Variants in CXCL13 observed in about 807,000 individuals in gnomAD.
The protein encoded by CXCL13 is C-X-C motif chemokine 13.
Under a neutral mutation model 12.2 loss-of-function variants are expected in CXCL13, and 7 were observed. That is an observed-to-expected ratio of 0.57 (90% CI 0.33 to 1.07). The LOEUF is 1.07. Ranked by LOEUF, CXCL13 falls within the 50% of genes least tolerant of loss-of-function variation. The pLI, the probability that CXCL13 is intolerant of heterozygous loss-of-function variation, is 0.04. For synonymous variants in CXCL13, 47 were observed against 42.4 expected, an observed-to-expected ratio of 1.11 and a Z score of -0.42; for missense variants, 113 against 127.4, an observed-to-expected ratio of 0.89 and a Z score of 0.55.
chr4:77,608,355 G>A (rs200540961), intron 2 of CXCL13, among the ~76,000 whole-genome samples: 5 of 151,916 alleles, frequency 3.3e-5, no homozygotes, highest in South Asian at 4.2e-4. Context: ...CAGGAGAACC[G>A]CTTGAACCTG....
chr4:77,594,563 T>A (rs1207434560), intron 1 of CXCL13, among the ~76,000 whole-genome samples: 1 of 150,572 alleles, frequency 6.6e-6, no homozygotes, highest in Non-Finnish European at 1.5e-5. Flanking sequence ...ATGTCACAAA[T>A]CCCAGGCACA....
intron 1 of CXCL13, among the ~76,000 whole-genome samples, chr4:77,565,052 T>C (rs1396546692): frequency 6.6e-6 from 1 of 152,244 alleles, no homozygotes; most frequent in Non-Finnish European, 1.5e-5. Flanking sequence ...CAAACTGTTC[T>C]ACTGATCCCT....
At chr4:77,527,857 C>T (rs1264366333) in intron 1 of CXCL13, among the ~76,000 whole-genome samples, 1 of 151,864 alleles carries the variant, frequency 6.6e-6, no homozygotes, top group East Asian at 1.9e-4. Flanking sequence ...TATACATGTG[C>T]CATGTTGGTG....
intron 1 of CXCL13, among the ~76,000 whole-genome samples, chr4:77,534,081 G>A (rs1324003306): frequency 1.3e-5 from 2 of 152,282 alleles, no homozygotes; most frequent in Non-Finnish European, 2.9e-5. Flanking sequence ...GATGAACCTG[G>A]TACCTCAGTT....
chr4:77,609,052 T>C (rs1014206656), intron 2 of CXCL13, among the ~76,000 whole-genome samples: 1 of 152,238 alleles, frequency 6.6e-6, no homozygotes, highest in Admixed American at 6.5e-5. Flanking sequence ...TTCAAATTAT[T>C]GTGAGAAATT....
At chr4:77,518,388 G>A (rs1343816621) in intron 1 of CXCL13, among the ~76,000 whole-genome samples, 2 of 152,180 alleles carry the variant, frequency 1.3e-5, no homozygotes, top group Non-Finnish European at 2.9e-5. Context: ...CCTGCAGAGT[G>A]TTTTCCAACT....
intron 1 of CXCL13, among the ~76,000 whole-genome samples, chr4:77,520,928 G>A (rs538893729): frequency 3.9e-5 from 6 of 152,242 alleles, no homozygotes; most frequent in African/African-American, 1.4e-4. Flanking sequence ...AAGAAAAAGT[G>A]CTGTCGAATT....
At chr4:77,581,594 G>T (rs1276978707) in intron 1 of CXCL13, among the ~76,000 whole-genome samples, 1 of 152,068 alleles carries the variant, frequency 6.6e-6, no homozygotes, top group African/African-American at 2.4e-5. Context: ...CTCCCCATAA[G>T]AGTTAGCATC....
Position 77,571,334 on chromosome 4 carries a change from G to C in CXCL13, c.-42-34490G>C, listed in dbSNP as rs544283770. ...GCACCCTGTGTTTAGCTCAAGGTTT[G>C]TGAGTGCACCAATCGACACTCTGTA... On this transcript the variant is annotated intron_variant, in intron 1 of 4. Coordinates refer to the CXCL13 transcript ENST00000286758. Among the ~76,000 whole-genome samples, 715 of 151,916 alleles carry C rather than the reference G, an allele frequency of 4.7e-3. 22 individuals carry two copies. The highest frequency in any genetic ancestry group is 0.016 in the African/African-American group (656 of 41,196).
intron 1 of CXCL13, among the ~76,000 whole-genome samples, chr4:77,569,275 C>T (rs1644082596): frequency 6.6e-6 from 1 of 152,110 alleles, no homozygotes; most frequent in African/African-American, 2.4e-5. Flanking sequence ...AGCAATCAGG[C>T]AAGAGAGAGA....
intron 1 of CXCL13, among the ~76,000 whole-genome samples, chr4:77,607,045 C>T (rs990503510): frequency 3.9e-5 from 6 of 152,144 alleles, no homozygotes; most frequent in Non-Finnish European, 7.3e-5. Flanking sequence ...CAAACAAAAA[C>T]GTCTGTGACA....
At chr4:77,516,420 G>A (rs1724421744) in intron 1 of CXCL13, among the ~76,000 whole-genome samples, 1 of 152,156 alleles carries the variant, frequency 6.6e-6, no homozygotes, top group Non-Finnish European at 1.5e-5. Context: ...GAATTCGGCT[G>A]TGAATCCATC....
At chr4:77,587,042 C>T (rs1407798108) in intron 1 of CXCL13, among the ~76,000 whole-genome samples, 1 of 152,172 alleles carries the variant, frequency 6.6e-6, no homozygotes, top group Non-Finnish European at 1.5e-5. Context: ...GGGGCGGCTG[C>T]TGCTTAGTCA....
chr4:77,568,753 C>T (rs750587327), intron 1 of CXCL13, among the ~76,000 whole-genome samples: 4 of 152,110 alleles, frequency 2.6e-5, no homozygotes, highest in East Asian at 1.9e-4. Context: ...TTACTGCCCC[C>T]GAAATGCTCT....
upstream of CXCL13, among the ~76,000 whole-genome samples, chr4:77,601,353 T>C (rs1288404521): frequency 6.6e-6 from 1 of 152,150 alleles, no homozygotes; most frequent in Non-Finnish European, 1.5e-5. Flanking sequence ...ATATGTGCAG[T>C]TCTTTTTATA....
rs1727124288 is a variant in CXCL13 at position 77,610,682 on chromosome 4, A to G, written c.266A>G (p.Glu89Gly). The G allele has an allele frequency of 6.2e-7, 1 of 1,611,734 alleles. No individual in the cohort carries two copies. Among genetic ancestry groups the G allele is most frequent in the African/African-American group, 1.3e-5 (1 of 74,996 alleles). Residue 89 changes from glutamate to glycine, a missense_variant, in exon 3 of 4, where the codon GAA becomes GGA. Physicochemically the swap from Glu to Gly is moderately conservative, Grantham distance 98. Coordinates refer to ENST00000682537, the MANE Select transcript of CXCL13 (RefSeq NM_001371558.1). ...GCTGAATGGATACAAAGAATGATGG[A>G]AGTATTGAGAAAGTAAGTTAGGCAT... ...PQAEWIQRMM[E>G]VLRKRSSSTL... is the part of the protein sequence containing the mutation.
chr4:77,545,432 G>T (rs1419852021), intron 1 of CXCL13, among the ~76,000 whole-genome samples: 1 of 152,146 alleles, frequency 6.6e-6, no homozygotes, highest in African/African-American at 2.4e-5. Flanking sequence ...TTGAGCAGTG[G>T]TTTGTAGTTC....
chr4:77,600,685 G>T lies in CXCL13; in HGVS notation c.-42-5139G>T, dbSNP rs139221440. Among the ~76,000 whole-genome samples, 627 of 152,276 alleles carry T rather than the reference G, an allele frequency of 4.1e-3. 4 individuals are homozygous for T. Among genetic ancestry groups the T allele is most frequent in the African/African-American group, 0.014 (588 of 41,552 alleles). On this transcript the variant is annotated intron_variant, in intron 1 of 4. Coordinates refer to the CXCL13 transcript ENST00000286758. ...ATCACTTTGACATTGGTATGTGGTGGCCTCACTGTTCTCAGAAATCTTTCT... is the reference window on the plus strand; with the variant it reads ...ATCACTTTGACATTGGTATGTGGTGTCCTCACTGTTCTCAGAAATCTTTCT...
chr4:77,586,012 A>G (rs930649000), intron 1 of CXCL13, among the ~76,000 whole-genome samples: 8 of 152,210 alleles, frequency 5.3e-5, no homozygotes, highest in Non-Finnish European at 1.0e-4. Flanking sequence ...GAGTGTTTAC[A>G]TTTAATAAAT....
Sources: gnomAD v4.1 joint callset for allele counts (sites outside exome capture counted in the v4.1 genomes callset) on GRCh38, gnomAD v4.1.1 for gene constraint, MANE v1.5 for transcripts, NCBI Gene and HGNC (gene_info 2026-07-23, HGNC 2026-07-21) for gene names.